MACROD2: variants seen among roughly 807,000 people sequenced by gnomAD.
MACROD2 encodes the protein ADP-ribose glycohydrolase MACROD2.
A neutral mutation model predicts 70.4 loss-of-function variants in MACROD2; 36 were observed. That is an observed-to-expected ratio of 0.51 (90% CI 0.39 to 0.68). The LOEUF (loss-of-function observed/expected upper bound fraction) is 0.68. Among genes scored for constraint, MACROD2 ranks in the 30% least tolerant of loss-of-function variants. MACROD2 has a pLI of 0.00. For synonymous variants in MACROD2, 172 were observed against 178.8 expected, an observed-to-expected ratio of 0.96 and a Z score of 0.30; for missense variants, 496 against 538.4, an observed-to-expected ratio of 0.92 and a Z score of 0.78.
At chr20:15,764,251 AT>A (rs1346231357) in intron 8 of MACROD2, among the ~76,000 whole-genome samples, 2 of 152,012 alleles carry the variant, frequency 1.3e-5, no homozygotes, top group African/African-American at 2.4e-5. Flanking sequence ...ATTTTATATT[AT>A]TTTTTTCTGT....
intron 15 of MACROD2, among the ~76,000 whole-genome samples, chr20:15,997,144 C>T (rs1330356256): frequency 6.6e-6 from 1 of 152,094 alleles, no homozygotes; most frequent in East Asian, 1.9e-4. Context: ...TGTGATGTCT[C>T]TGGCTTTTTT....
Position 14,326,232 on chromosome 20 carries a change from G to A in MACROD2, c.272-167247G>A. 1 of 1,613,912 alleles carries A rather than the reference G, an allele frequency of 6.2e-7. No homozygotes were observed. On this transcript the variant is annotated intron_variant, in intron 3 of 17. Transcript: ENST00000684519. This position sits in a 1 kb window ranked among gnomAD's most constrained non-coding sequence, Gnocchi z 5.5. The stretch of plus-strand genomic sequence containing the variant: ...TCATAGGTAGAGCAAGTTTCCAAGA[G>A]ATATGAATGGTATCAGAGGTGACAG...
intron 8 of MACROD2, among the ~76,000 whole-genome samples, chr20:15,789,783 G>A (rs62194718): frequency 0.12 from 18,296 of 151,604 alleles, 1,274 homozygotes; most frequent in Middle Eastern, 0.28. Context: ...GGAAATGAGA[G>A]TTATATTAGA....
intron 5 of MACROD2, among the ~76,000 whole-genome samples, chr20:14,767,343 A>G (rs956930544): frequency 6.6e-6 from 1 of 151,770 alleles, no homozygotes. Flanking sequence ...TTTGTTTTTT[A>G]AGGAAAAACA....
chr20:15,217,378 A>G (rs175270), intron 5 of MACROD2, among the ~76,000 whole-genome samples: 43,947 of 151,932 alleles, frequency 0.29, 6,550 homozygotes, highest in African/African-American at 0.33. Context: ...AACAAACTTG[A>G]CAAGCAGATA....
intron 15 of MACROD2, among the ~76,000 whole-genome samples, chr20:16,027,015 A>C (rs183602873): frequency 6.6e-6 from 1 of 152,324 alleles, no homozygotes; most frequent in East Asian, 1.9e-4. Flanking sequence ...AACCCAACAA[A>C]GATCAAAGAT....
At chr20:14,127,578 G>T in intron 3 of MACROD2, 1 of 478,266 alleles carries the variant, frequency 2.1e-6, no homozygotes, top group Non-Finnish European at 3.9e-6. Context: ...GAAACTTTGA[G>T]TAGGAAACTG....
chr20:14,261,881 ATT>A, intron 3 of MACROD2, among the ~76,000 whole-genome samples: 1 of 150,996 alleles, frequency 6.6e-6, no homozygotes, highest in Non-Finnish European at 1.5e-5. Context: ...GAGAAACGTG[ATT>A]TTTTTTTTCC....
chr20:15,458,955 C>T (rs2046772211), intron 7 of MACROD2, among the ~76,000 whole-genome samples: 1 of 152,024 alleles, frequency 6.6e-6, no homozygotes, highest in South Asian at 2.1e-4. Flanking sequence ...GTCTGCTTGG[C>T]ATTTTGAAGG....
chr20:15,381,828 A>G (rs910763058), intron 6 of MACROD2, among the ~76,000 whole-genome samples: 3 of 152,152 alleles, frequency 2.0e-5, no homozygotes, highest in African/African-American at 7.2e-5. Context: ...GAGACAGATT[A>G]GGCACAGGGT....
intron 3 of MACROD2, among the ~76,000 whole-genome samples, chr20:14,354,928 C>T (rs1195419033): frequency 1.3e-5 from 2 of 152,188 alleles, no homozygotes; most frequent in Non-Finnish European, 2.9e-5. Context: ...AGGATAATGA[C>T]CTCTGGCTGC....
intron 5 of MACROD2, among the ~76,000 whole-genome samples, chr20:14,727,645 T>G (rs775641861): frequency 6.6e-6 from 1 of 152,204 alleles, no homozygotes; most frequent in African/African-American, 2.4e-5. Flanking sequence ...ACCTGCCTGC[T>G]ATACCAAGTA....
At chr20:14,685,530 A>T (rs968066184) in intron 5 of MACROD2, among the ~76,000 whole-genome samples, 3 of 152,236 alleles carry the variant, frequency 2.0e-5, no homozygotes, top group African/African-American at 7.2e-5. Flanking sequence ...AATTTCCGTT[A>T]TATTTTAATA....
chr20:15,632,521 T>C (rs532928739), intron 8 of MACROD2, among the ~76,000 whole-genome samples: 5 of 152,216 alleles, frequency 3.3e-5, no homozygotes, highest in Non-Finnish European at 5.9e-5. Flanking sequence ...TAGTGCAAAG[T>C]ACAGAAAAAG....
At chr20:14,609,017 A>G (rs1001922839) in intron 4 of MACROD2, among the ~76,000 whole-genome samples, 3 of 151,954 alleles carry the variant, frequency 2.0e-5, no homozygotes, top group African/African-American at 7.2e-5. Flanking sequence ...GAACTTGGTG[A>G]GGTTTGGGGG....
chr20:14,934,809 TA>T (rs1402462851), intron 5 of MACROD2: 1 of 151,272 alleles, frequency 6.6e-6, no homozygotes. Context: ...AATAATAAAA[TA>T]AAATAATAAA....
intron 7 of MACROD2, among the ~76,000 whole-genome samples, chr20:15,472,585 C>A (rs534231311): frequency 6.5e-4 from 99 of 152,144 alleles, no homozygotes; most frequent in African/African-American, 2.3e-3. Context: ...ATAACTATTT[C>A]TTTCACCTTG....
At chr20:15,202,523 A>G (rs1401543120) in intron 5 of MACROD2, among the ~76,000 whole-genome samples, 1 of 152,116 alleles carries the variant, frequency 6.6e-6, no homozygotes, top group Non-Finnish European at 1.5e-5. Flanking sequence ...CTTTTCTCTA[A>G]ATGCCTTGTT....
rs2074244959 is a variant in MACROD2, at chr20:14,927,282, A to G, written c.418+242323A>G. Reference sequence around the variant, plus strand: ...AAAAAGAAGATTGTAGCATGTAATCAGAGTTCTTGGTTGCATGCTACAGAA... The same window carrying G: ...AAAAAGAAGATTGTAGCATGTAATCGGAGTTCTTGGTTGCATGCTACAGAA... On this transcript the variant is annotated intron_variant, in intron 5 of 17. Coordinates refer to ENST00000684519, the MANE Select transcript of MACROD2 (RefSeq NM_001351661.2). 2.6e-5 allele frequency among the ~76,000 whole-genome samples: 4 copies of G among 152,324 alleles called. No individual in the cohort carries two copies. In the South Asian group the frequency reaches 8.3e-4, roughly 32 times the overall value.
Sources: allele counts gnomAD v4.1 joint callset (sites outside exome capture counted in the v4.1 genomes callset), GRCh38; gene constraint gnomAD v4.1.1; non-coding constraint Gnocchi (gnomAD v3.1); transcripts MANE v1.5; gene names NCBI Gene and HGNC (gene_info 2026-07-23, HGNC 2026-07-21).